Variants in CACNA1D observed in about 807,000 individuals in gnomAD.
CACNA1D encodes voltage-dependent L-type calcium channel subunit alpha-1D.
Under a neutral mutation model 257.1 loss-of-function variants are expected in CACNA1D, and 55 were observed. The ratio of observed to expected loss-of-function variants is 0.21; its 90% confidence interval spans 0.17 to 0.27. The LOEUF is 0.27. Among genes scored for constraint, CACNA1D ranks in the 10% least tolerant of loss-of-function variants. The pLI is 1.00. For missense variants in CACNA1D, 1,876 were observed against 2,784.0 expected (o/e 0.67, Z 7.34); for synonymous variants, 980 against 1,014.9 (o/e 0.97, Z 0.65).
At chr3:53,619,783 A>G (rs968962421) in intron 3 of CACNA1D, among the ~76,000 whole-genome samples, 5 of 152,186 alleles carry the variant, frequency 3.3e-5, no homozygotes, top group Non-Finnish European at 7.3e-5. Flanking sequence ...AATACTGGGC[A>G]AGTGTAAAAG....
At chr3:53,696,777 G>A (rs1268803217) in intron 8 of CACNA1D, among the ~76,000 whole-genome samples, 1 of 152,078 alleles carries the variant, frequency 6.6e-6, no homozygotes, top group Non-Finnish European at 1.5e-5. Context: ...AGAGTATAAG[G>A]TGTGCATTTA....
intron 3 of CACNA1D, among the ~76,000 whole-genome samples, chr3:53,535,174 T>C (rs1182115773): frequency 6.6e-6 from 1 of 152,206 alleles, no homozygotes; most frequent in African/African-American, 2.4e-5. Flanking sequence ...TGCTGCTAGC[T>C]CCTCTGGTAC....
chr3:53,553,992 G>C (rs574734282), intron 3 of CACNA1D, among the ~76,000 whole-genome samples: 62 of 151,760 alleles, frequency 4.1e-4, no homozygotes, highest in East Asian at 1.2e-3. Context: ...GTCAGGAGAT[G>C]GAGACCATCC....
chr3:53,652,135 G>A (rs889069415), intron 4 of CACNA1D, among the ~76,000 whole-genome samples: 2 of 152,180 alleles, frequency 1.3e-5, no homozygotes, highest in East Asian at 1.9e-4. Context: ...GGACTCTGTC[G>A]AGGAATGGCA....
At chr3:53,698,424 T>C (rs559881226) in intron 8 of CACNA1D, among the ~76,000 whole-genome samples, 62 of 152,328 alleles carry the variant, frequency 4.1e-4, no homozygotes, top group Non-Finnish European at 8.4e-4. Flanking sequence ...CTCACTCCAA[T>C]CCTACCCAAG....
At chr3:53,730,341 ACTACCAG>A in intron 15 of CACNA1D, 94 bp from the exon 16 acceptor site, 2 of 788,188 alleles carry the variant, frequency 2.5e-6, no homozygotes, top group Non-Finnish European at 4.5e-6. Context: ...ACGGTCACTT[ACTACCAG>A]CTTCCCGGGA....
Position 53,684,398 on chromosome 3 carries a change from G to T in CACNA1D, c.1220+11272G>T, listed in dbSNP as rs147889858. 2.8e-3 allele frequency among the ~76,000 whole-genome samples: 433 copies of T among 152,266 alleles called. 1 individual carries two copies. The highest frequency in any genetic ancestry group is 9.1e-3 in the African/African-American group (380 of 41,546). On this transcript the variant is annotated intron_variant, in intron 8 of 47. Transcript: ENST00000350061. ...GCACTTTGGGAGGCTGAGGCAGGCA[G>T]ATCACCTGAGGTGGGGAGTTTGAGA... is the stretch of plus-strand genomic sequence containing the variant.
intron 39 of CACNA1D, 181 bp from the exon 40 acceptor site, chr3:53,786,640 CA>C (rs1204375943): frequency 1.6e-6 from 1 of 617,386 alleles, no homozygotes; most frequent in Non-Finnish European, 2.9e-6. Context: ...AGTTGCTTTG[CA>C]AAACCTTGCT....
In CACNA1D at chr3:53,718,725, G is replaced by A. The variant is rs904942699; in HGVS notation, c.1478+337G>A. 4 of 1,557,306 alleles carry A rather than the reference G, an allele frequency of 2.6e-6. No individual in the cohort carries two copies. The highest frequency in any genetic ancestry group is 1.9e-5 in the Admixed American group (1 of 51,940). On this transcript the variant is annotated intron_variant, in intron 10 of 47. Coordinates refer to ENST00000350061, the MANE Select transcript of CACNA1D (RefSeq NM_001128840.3). The stretch of plus-strand genomic sequence containing the variant: ...AGGCGCGGCCAAGGCGGGGCCCTCT[G>A]GGTGTCGGCGGTGGGGGTAAAGGCC...
At chr3:53,569,874 A>G (rs2092913369) in intron 3 of CACNA1D, among the ~76,000 whole-genome samples, 1 of 152,174 alleles carries the variant, frequency 6.6e-6, no homozygotes, top group Admixed American at 6.5e-5. Flanking sequence ...TAGTTTTCTC[A>G]TTTGTAAAGT....
intron 3 of CACNA1D, among the ~76,000 whole-genome samples, chr3:53,609,876 C>T (rs1384058428): frequency 6.6e-6 from 1 of 151,938 alleles, no homozygotes; most frequent in East Asian, 1.9e-4. Flanking sequence ...TTTCTAATAT[C>T]GGAATATTGG....
chr3:53,730,571 C>A lies in CACNA1D; in HGVS notation c.2336+15C>A. Reference sequence around the variant, plus strand: ...AAGATTGCCAGGTAACCCTATTTTCCCCTGACGTGTTTGTCCAGGGGCTGT... The same window carrying A: ...AAGATTGCCAGGTAACCCTATTTTCACCTGACGTGTTTGTCCAGGGGCTGT... On this transcript the variant is annotated intron_variant, in intron 16 of 47. Coordinates refer to ENST00000350061, the MANE Select transcript of CACNA1D (RefSeq NM_001128840.3). The A allele has an allele frequency of 1.3e-6, 2 of 1,577,630 alleles. No individual in the cohort carries two copies. The highest frequency in any genetic ancestry group is 3.3e-5 in the Admixed American group (2 of 59,926).
At chr3:53,682,679 A>G (rs2108476022) in intron 8 of CACNA1D, among the ~76,000 whole-genome samples, 1 of 152,234 alleles carries the variant, frequency 6.6e-6, no homozygotes, top group South Asian at 2.1e-4. Context: ...AATTCTTCCT[A>G]ATAAAATGTT....
intron 2 of CACNA1D, 25 bp from the exon 3 acceptor site, chr3:53,501,588 CAT>C: frequency 1.7e-6 from 2 of 1,158,408 alleles, no homozygotes; most frequent in Non-Finnish European, 1.3e-6. Flanking sequence ...TTCCATAACA[CAT>C]ATATACCTTA....
At chr3:53,619,836 G>A (rs912001707) in intron 3 of CACNA1D, among the ~76,000 whole-genome samples, 1 of 152,174 alleles carries the variant, frequency 6.6e-6, no homozygotes, top group African/African-American at 2.4e-5. Context: ...GTATAAACTC[G>A]CTGCAGTGCC....
At position 53,774,353 on chromosome 3, in the gene CACNA1D, G is replaced by A. The variant is rs2095384163; in HGVS notation, c.4111-234G>A. The A allele has an allele frequency of 1.9e-6, 1 of 518,720 alleles. No individual in the cohort carries two copies. The highest frequency in any genetic ancestry group is 3.5e-5 in the East Asian group (1 of 28,346). 32.1% of individuals were successfully genotyped at this position (518,720 alleles called of 1,614,324 possible). A position where few individuals can be genotyped will look rare whatever the true frequency, so the allele number is the denominator to read the frequency against. ...TGGCTACCTTTGTGTCTCCCCCAGG[G>A]GAGATCCGCGAATGTGAGACCGTGC... On this transcript the variant is annotated intron_variant, in intron 33 of 47. Coordinates refer to ENST00000350061, the MANE Select transcript of CACNA1D (RefSeq NM_001128840.3). This position sits in a 1 kb window ranked among gnomAD's most constrained non-coding sequence, Gnocchi z 4.3.
intron 9 of CACNA1D, among the ~76,000 whole-genome samples, chr3:53,717,758 A>C (rs1217732446): frequency 6.6e-6 from 1 of 152,222 alleles, no homozygotes; most frequent in Non-Finnish European, 1.5e-5. Flanking sequence ...CATCAGGTAA[A>C]ATAGCAAAAA....
chr3:53,812,224 T>G lies in CACNA1D; in HGVS notation c.*818T>G, dbSNP rs1471943531. 1 of 152,244 alleles carries G rather than the reference T, an allele frequency of 6.6e-6. No individual in the cohort carries two copies. The highest frequency in any genetic ancestry group is 2.4e-5 in the African/African-American group (1 of 41,454). 9.4% of individuals were successfully genotyped at this position (152,244 alleles called of 1,614,324 possible). On this transcript the variant is annotated 3_prime_UTR_variant, in exon 48 of 48. Coordinates refer to ENST00000350061, the MANE Select transcript of CACNA1D (RefSeq NM_001128840.3). ...GAGATGGTCTATATTTTGTAATTAC[T>G]GTATTGTATTTGAACTGCAGCAATA...
At position 53,775,746 on chromosome 3, in the gene CACNA1D, T is replaced by A. The variant is rs765383325; in HGVS notation, c.4203-140T>A. 151 of 860,746 alleles carry A rather than the reference T, an allele frequency of 1.8e-4. No individual in the cohort carries two copies. The Middle Eastern group carries it at 2.3e-3, about 13-fold the overall frequency. 53.3% of individuals were successfully genotyped at this position (860,746 alleles called of 1,614,324 possible). ...TTGCACGTGAAAATCAGTAGGAATT[T>A]CACATTTCCATTAATTCAAATTGGA... On this transcript the variant is annotated intron_variant, in intron 34 of 47. Transcript: ENST00000350061.
Sources: allele counts gnomAD v4.1 joint callset (sites outside exome capture counted in the v4.1 genomes callset), GRCh38; gene constraint gnomAD v4.1.1; non-coding constraint Gnocchi (gnomAD v3.1); transcripts MANE v1.5; gene names NCBI Gene and HGNC (gene_info 2026-07-23, HGNC 2026-07-21).